Variants in CASK observed in about 807,000 individuals in gnomAD.
The protein encoded by CASK is calcium/calmodulin dependent serine protein kinase, also known as peripheral plasma membrane protein CASK.
Under a neutral mutation model 82.9 loss-of-function variants are expected in CASK, and 4 were observed. The ratio of observed to expected loss-of-function variants is 0.05; its 90% CI spans 0.02 to 0.11. The LOEUF (loss-of-function observed/expected upper bound fraction) is 0.11. Ranked by LOEUF, CASK falls within the 10% of genes least tolerant of loss-of-function variation. CASK has a pLI of 1.00. For synonymous variants in CASK, 259 were observed against 253.5 expected, an observed-to-expected ratio of 1.02 and a Z score of -0.20; for missense variants, 358 against 720.9, an observed-to-expected ratio of 0.50 and a Z score of 5.76.
chrX:41,647,165 A>G (rs781003704), intron 8 of CASK, among the ~76,000 whole-genome samples: 12 of 112,261 alleles, frequency 1.1e-4, no homozygotes, highest in Non-Finnish European at 2.1e-4. Flanking sequence ...ATGATTTAAG[A>G]CAGTCTGTTA....
chrX:41,795,854 AT>A (rs781459435), intron 2 of CASK, among the ~76,000 whole-genome samples: 4 of 110,899 alleles, frequency 3.6e-5, no homozygotes, highest in Non-Finnish European at 7.6e-5. Flanking sequence ...ATCATTTGTC[AT>A]TTAGCATTGA....
intron 5 of CASK, among the ~76,000 whole-genome samples, chrX:41,687,341 G>A (rs1288640385): frequency 8.9e-6 from 1 of 112,131 alleles, no homozygotes; most frequent in Non-Finnish European, 1.9e-5. Context: ...GGAAAATGTG[G>A]TGCATATACA....
At chrX:41,714,505 A>T (rs1386286372) in intron 5 of CASK, among the ~76,000 whole-genome samples, 1 of 112,001 alleles carries the variant, frequency 8.9e-6, no homozygotes, top group Non-Finnish European at 1.9e-5. Context: ...AGCAATATTA[A>T]TTGAACATGC....
rs369792621 is a variant in CASK, at chrX:41,531,057, G to A, written c.2470C>T (p.Arg824Trp). 58 of 1,209,912 alleles carry A rather than the reference G, an allele frequency of 4.8e-5. No homozygotes were observed. The highest frequency in any genetic ancestry group is 7.0e-5 in the African/African-American group (4 of 57,186). Residue 824 changes from arginine (R) to tryptophan (W), a missense_variant, in exon 25 of 27, where the codon CGG becomes TGG. Physicochemically the swap from Arg to Trp is moderately radical, Grantham distance 101. Around this residue, in one of 5 missense-constraint regions of CASK, gnomAD observed 118 missense variants for 169.4 expected, o/e 0.70. Transcript: ENST00000378163. ...ATCAGCCCCTGCTCGTGGATCTTCC[G>A]GATGGTCTCCAGTTTTGTCCCATAC... ...AMYGTKLETIRKIHEQGLIAI... is the reference protein window; with the variant it reads ...AMYGTKLETIWKIHEQGLIAI...
intron 3 of CASK, among the ~76,000 whole-genome samples, chrX:41,777,698 G>A (rs1245460887): frequency 9.0e-6 from 1 of 110,950 alleles, no homozygotes; most frequent in East Asian, 2.8e-4. Flanking sequence ...CTTGACTTGG[G>A]TTATAGTTAC....
intron 8 of CASK, among the ~76,000 whole-genome samples, chrX:41,644,186 T>C (rs912814146): frequency 1.8e-5 from 2 of 111,813 alleles, no homozygotes; most frequent in African/African-American, 6.5e-5. Context: ...CAGTATTTTA[T>C]TGAGGATTTT....
At chrX:41,529,210 G>A (rs970485496) in intron 25 of CASK, among the ~76,000 whole-genome samples, 1 of 111,798 alleles carries the variant, frequency 8.9e-6, no homozygotes, top group African/African-American at 3.3e-5. Context: ...GAGCAGAGGA[G>A]AGTGCCCAGC....
At chrX:41,877,170 G>A (rs899029924) in intron 1 of CASK, among the ~76,000 whole-genome samples, 7 of 111,397 alleles carry the variant, frequency 6.3e-5, no homozygotes, top group Admixed American at 2.9e-4. Flanking sequence ...TGCTGACCCC[G>A]TCCCTCTCTG....
chrX:41,640,198 G>A (rs2066624788), intron 8 of CASK, among the ~76,000 whole-genome samples: 1 of 105,658 alleles, frequency 9.5e-6, no homozygotes, highest in Admixed American at 1.0e-4. Flanking sequence ...AGTGTTATGA[G>A]TTTCCATTGT....
At chrX:41,870,719 T>C (rs2071691899) in intron 1 of CASK, among the ~76,000 whole-genome samples, 1 of 112,084 alleles carries the variant, frequency 8.9e-6, no homozygotes, top group South Asian at 3.7e-4. Flanking sequence ...CTGACTAATA[T>C]TATACTTGGT....
chrX:41,536,702 T>C (rs1368187291), intron 22 of CASK, among the ~76,000 whole-genome samples: 1 of 112,362 alleles, frequency 8.9e-6, no homozygotes. Context: ...TAAAGGTTGA[T>C]TGAAAGTCTT....
chrX:41,867,985 G>A (rs1357626904), intron 1 of CASK, among the ~76,000 whole-genome samples: 1 of 112,047 alleles, frequency 8.9e-6, no homozygotes, highest in African/African-American at 3.2e-5. Context: ...TTATCCACAT[G>A]ATCACCTTTT....
chrX:41,678,702 A>G (rs111236124), intron 5 of CASK, among the ~76,000 whole-genome samples: 2,401 of 111,093 alleles, frequency 0.022, 72 homozygotes, highest in African/African-American at 0.074. Context: ...AGGTGCCAAA[A>G]TGGAGGTTTT....
intron 22 of CASK, among the ~76,000 whole-genome samples, chrX:41,538,681 C>T (rs773150630): frequency 1.8e-5 from 2 of 112,369 alleles, no homozygotes; most frequent in Non-Finnish European, 3.8e-5. Context: ...ATTCCAGACA[C>T]TTCTTTTAAG....
Position 41,547,932 on chromosome X carries a change from T to C in CASK, c.2040-5126A>G, listed in dbSNP as rs372004536. Among the ~76,000 whole-genome samples, 55 of 112,741 alleles carry C rather than the reference T, an allele frequency of 4.9e-4. 1 individual carries two copies. In the East Asian group the frequency reaches 0.012, roughly 24 times the overall value. On this transcript the variant is annotated intron_variant, in intron 21 of 26. Transcript: ENST00000378163. Reference sequence around the variant, plus strand: ...GCCACCACGCCCAGTCCCTTGTATATTGATTTTATATCAGCAACCTTTCTA... The same window carrying C: ...GCCACCACGCCCAGTCCCTTGTATACTGATTTTATATCAGCAACCTTTCTA...
chrX:41,727,337 T>C (rs976675318), intron 5 of CASK: 48 of 1,206,150 alleles, frequency 4.0e-5, no homozygotes, highest in Non-Finnish European at 5.3e-5. Context: ...GCAAGTATGT[T>C]TGTCAGTCTC....
At chrX:41,526,854 G>T (rs930417961) in intron 25 of CASK, among the ~76,000 whole-genome samples, 1 of 111,195 alleles carries the variant, frequency 9.0e-6, no homozygotes, top group Non-Finnish European at 1.9e-5. Context: ...TCCTGATTGA[G>T]ATTTTCCTGT....
At chrX:41,839,281 A>T (rs191254988) in intron 2 of CASK, among the ~76,000 whole-genome samples, 97 of 111,757 alleles carry the variant, frequency 8.7e-4, no homozygotes, top group African/African-American at 2.9e-3. Flanking sequence ...ATCCCTGAAC[A>T]GAGTACATCT....
chrX:41,729,591 G>A (rs1346995392), intron 5 of CASK: 5 of 109,659 alleles, frequency 4.6e-5, no homozygotes, highest in African/African-American at 1.4e-4. Flanking sequence ...GGTGGTGTGT[G>A]CCTGTAGTCC....
Sources: gnomAD v4.1 joint callset for allele counts (sites outside exome capture counted in the v4.1 genomes callset) on GRCh38, gnomAD v4.1.1 for gene constraint, gnomAD v4.1.1 regional missense constraint, MANE v1.5 for transcripts, NCBI Gene and HGNC (gene_info 2026-07-23, HGNC 2026-07-21) for gene names.